Variants in PCDH15 observed in about 807,000 individuals in gnomAD.
The protein encoded by PCDH15 is protocadherin related 15, also known as protocadherin-15.
Under a neutral mutation model 178.5 loss-of-function variants are expected in PCDH15, and 129 were observed. The ratio of observed to expected loss-of-function variants is 0.72; its 90% CI spans 0.63 to 0.84. The LOEUF is 0.84. Ranked by LOEUF, PCDH15 falls within the 40% of genes least tolerant of loss-of-function variation. The pLI, the probability that PCDH15 is intolerant of heterozygous loss-of-function variation, is 0.00. For missense variants in PCDH15, 2,230 were observed against 2,099.9 expected, an observed-to-expected ratio of 1.06 and a Z score of -1.21; for synonymous variants, 800 against 732.0, an observed-to-expected ratio of 1.09 and a Z score of -1.50.
chr10:55,264,469 G>A (rs1353481598), intron 1 of PCDH15, among the ~76,000 whole-genome samples: 1 of 152,106 alleles, frequency 6.6e-6, no homozygotes, highest in East Asian at 1.9e-4. Context: ...TCATGGGTAC[G>A]TATCACATCA....
chr10:54,727,037 T>C (rs560006057), intron 1 of PCDH15, among the ~76,000 whole-genome samples: 31 of 150,994 alleles, frequency 2.1e-4, no homozygotes, highest in African/African-American at 7.3e-4. Context: ...GCTAGAGAGG[T>C]TGACATGAAA....
intron 2 of PCDH15, among the ~76,000 whole-genome samples, chr10:54,929,018 G>T (rs1190039666): frequency 6.6e-6 from 1 of 152,184 alleles, no homozygotes; most frequent in Non-Finnish European, 1.5e-5. Context: ...TTTTTGAGTT[G>T]TTAGAGTTAT....
chr10:55,578,132 C>T (rs893825650), intron 2 of PCDH15, among the ~76,000 whole-genome samples: 2 of 152,034 alleles, frequency 1.3e-5, no homozygotes, highest in Admixed American at 1.3e-4. Context: ...TAAATTGCCT[C>T]TTTGTCTAAT....
chr10:54,533,362 G>C (rs1264159219), intron 2 of PCDH15, among the ~76,000 whole-genome samples: 1 of 152,096 alleles, frequency 6.6e-6, no homozygotes, highest in African/African-American at 2.4e-5. Context: ...TGACAACTCA[G>C]CAGATGTGAA....
At chr10:53,809,566 A>C (rs2075791599) in intron 37 of PCDH15, 1 of 1,601,732 alleles carries the variant, frequency 6.2e-7, no homozygotes, top group Non-Finnish European at 8.5e-7. Context: ...GTGAAAATGC[A>C]ATTGAAGTGT....
At chr10:54,630,527 G>T (rs2093673468) in intron 2 of PCDH15, among the ~76,000 whole-genome samples, 1 of 152,086 alleles carries the variant, frequency 6.6e-6, no homozygotes, top group Non-Finnish European at 1.5e-5. Flanking sequence ...ATGAATATAA[G>T]ACCTAAAACT....
At chr10:54,902,931 G>A (rs926201788) in intron 2 of PCDH15, among the ~76,000 whole-genome samples, 3 of 152,028 alleles carry the variant, frequency 2.0e-5, no homozygotes, top group Admixed American at 6.6e-5. Context: ...TCATCTCCTC[G>A]GGTTACAGGT....
intron 21 of PCDH15, among the ~76,000 whole-genome samples, chr10:53,962,751 T>G (rs181400681): frequency 6.6e-6 from 1 of 152,178 alleles, no homozygotes; most frequent in Admixed American, 6.5e-5. Flanking sequence ...CAATTAAAAT[T>G]TGATAAGTTT....
chr10:54,801,987 C>T (rs1952672639), upstream of PCDH15, among the ~76,000 whole-genome samples: 1 of 152,066 alleles, frequency 6.6e-6, no homozygotes, highest in Admixed American at 6.6e-5. Context: ...ATTTCAATTC[C>T]ATATTAAATT....
rs912266390 is a variant in PCDH15, at chr10:54,730,113, G to A, written c.-28-65823C>T. Among the ~76,000 whole-genome samples the A allele has an allele frequency of 5.3e-5, 8 of 151,542 alleles. No homozygotes were observed. The South Asian group carries it at 6.2e-4, about 12-fold the overall frequency. On this transcript the variant is annotated intron_variant, in intron 1 of 37. Transcript: ENST00000644397. ...CACATGCATGCATATGTTCACTGCA[G>A]CACTACTTATAGTAACGAAGACATG...
At chr10:54,663,678 T>C (rs1311035010) in intron 2 of PCDH15, among the ~76,000 whole-genome samples, 3 of 131,288 alleles carry the variant, frequency 2.3e-5, no homozygotes, top group Non-Finnish European at 5.0e-5. Flanking sequence ...CTTTTTTCAT[T>C]TTTCTATTCT....
chr10:55,331,986 T>A (rs561793899), intron 2 of PCDH15, among the ~76,000 whole-genome samples: 1 of 152,210 alleles, frequency 6.6e-6, no homozygotes, highest in South Asian at 2.1e-4. Context: ...GAGATGTACA[T>A]CAAAACTGGC....
intron 2 of PCDH15, among the ~76,000 whole-genome samples, chr10:55,041,850 A>G (rs1004360843): frequency 6.6e-6 from 1 of 152,144 alleles, no homozygotes; most frequent in African/African-American, 2.4e-5. Context: ...CAAGTTCTGC[A>G]TAGAAACTGA....
chr10:54,634,393 C>T (rs1480958322), intron 2 of PCDH15, among the ~76,000 whole-genome samples: 1 of 152,018 alleles, frequency 6.6e-6, no homozygotes, highest in Non-Finnish European at 1.5e-5. Context: ...TTGAAGTCAG[C>T]AGCAGTTACA....
chr10:53,977,792 T>C (rs1379357077), intron 21 of PCDH15, among the ~76,000 whole-genome samples: 1 of 152,214 alleles, frequency 6.6e-6, no homozygotes, highest in Non-Finnish European at 1.5e-5. Flanking sequence ...GGTATAGGCA[T>C]TGGTAAATAC....
intron 2 of PCDH15, among the ~76,000 whole-genome samples, chr10:55,326,361 AG>A (rs1844031267): frequency 6.6e-6 from 1 of 152,182 alleles, no homozygotes; most frequent in Non-Finnish European, 1.5e-5. Flanking sequence ...AGACTAATAA[AG>A]AAAATGTAGT....
chr10:55,589,260 A>G (rs1459578807), intron 2 of PCDH15, among the ~76,000 whole-genome samples: 5 of 152,028 alleles, frequency 3.3e-5, no homozygotes, highest in African/African-American at 9.7e-5. Flanking sequence ...ATCCAGTTTC[A>G]ACTTTCTACA....
intron 2 of PCDH15, among the ~76,000 whole-genome samples, chr10:55,095,536 C>A (rs968372985): frequency 1.3e-5 from 2 of 151,990 alleles, no homozygotes; most frequent in Non-Finnish European, 2.9e-5. Flanking sequence ...TCTTTTCTTT[C>A]TACCTCAAAA....
chr10:55,292,332 C>G (rs1214364984), intron 1 of PCDH15, among the ~76,000 whole-genome samples: 1 of 152,154 alleles, frequency 6.6e-6, no homozygotes, highest in Non-Finnish European at 1.5e-5. Context: ...CCAAGCAAAT[C>G]TAAAATCCAG....
Sources: gnomAD v4.1 joint callset for allele counts (sites outside exome capture counted in the v4.1 genomes callset) on GRCh38, gnomAD v4.1.1 for gene constraint, MANE v1.5 for transcripts, NCBI Gene and HGNC (gene_info 2026-07-23, HGNC 2026-07-21) for gene names.